Variants in HIVEP2 observed in about 807,000 individuals in gnomAD.
HIVEP2 encodes transcription factor HIVEP2.
HIVEP2 carries 14 observed loss-of-function variants against 180.7 expected under a neutral mutation model. The ratio of observed to expected loss-of-function variants is 0.08; its 90% CI spans 0.05 to 0.12. HIVEP2 has a LOEUF of 0.12. Ranked by LOEUF, HIVEP2 falls within the 10% of genes least tolerant of loss-of-function variation. The pLI, the probability that HIVEP2 is intolerant of heterozygous loss-of-function variation, is 1.00. For missense variants in HIVEP2, 2,579 were observed against 3,008.5 expected, an observed-to-expected ratio of 0.86 and a Z score of 3.34; for synonymous variants, 1,184 against 1,136.4, an observed-to-expected ratio of 1.04 and a Z score of -0.84.
At position 142,943,766 on chromosome 6, in the gene HIVEP2, ACT is replaced by A. The variant is rs1427519407; in HGVS notation, c.-641+1331_-641+1332del. Among the ~76,000 whole-genome samples, 6 of 152,130 alleles carry A rather than the reference ACT, an allele frequency of 3.9e-5. No homozygotes were observed. Among genetic ancestry groups the A allele is most frequent in the African/African-American group, 7.2e-5 (3 of 41,424 alleles). On this transcript the variant is annotated intron_variant, in intron 1 of 9. Coordinates refer to ENST00000367603, the MANE Select transcript of HIVEP2 (RefSeq NM_006734.4). This position sits in a 1 kb window ranked among gnomAD's most constrained non-coding sequence, Gnocchi z 4.5. ...TCTATATTCATTTTAGGCCTAAATA[ACT>A]CTGCAGAGAATAAGGGTTTTGCAAT...
intron 1 of HIVEP2, among the ~76,000 whole-genome samples, chr6:142,936,541 C>A (rs570549984): frequency 6.6e-6 from 1 of 152,054 alleles, no homozygotes; most frequent in East Asian, 1.9e-4. Context: ...AATGCTGAAC[C>A]ATAAAAATGA....
At chr6:142,814,552 T>C (rs577781344) in intron 2 of HIVEP2, among the ~76,000 whole-genome samples, 17 of 151,922 alleles carry the variant, frequency 1.1e-4, no homozygotes, top group Non-Finnish European at 2.1e-4. Flanking sequence ...TTGACAGAAT[T>C]TGGGAATCGG....
At chr6:142,885,658 T>G (rs1056714613) in intron 1 of HIVEP2, among the ~76,000 whole-genome samples, 1 of 152,158 alleles carries the variant, frequency 6.6e-6, no homozygotes, top group Non-Finnish European at 1.5e-5. Context: ...AGCCTACATT[T>G]AGACTTTCTT....
chr6:142,917,562 C>T (rs1427948459), intron 1 of HIVEP2, among the ~76,000 whole-genome samples: 1 of 152,174 alleles, frequency 6.6e-6, no homozygotes, highest in Non-Finnish European at 1.5e-5. Flanking sequence ...ATTAGTATTT[C>T]CTAACTTATT....
chr6:142,930,123 A>G (rs1046915890), intron 1 of HIVEP2, among the ~76,000 whole-genome samples: 8 of 152,148 alleles, frequency 5.3e-5, no homozygotes, highest in African/African-American at 1.9e-4. Context: ...TCCTATTTCC[A>G]TGACACACTA....
intron 7 of HIVEP2, 91 bp from the exon 8 acceptor site, chr6:142,761,656 T>C: frequency 1.3e-6 from 1 of 779,720 alleles, no homozygotes; most frequent in African/African-American, 1.7e-5. Flanking sequence ...TGAAATGAAC[T>C]AATTTTATTA....
At chr6:142,796,010 G>A (rs868105342) in intron 2 of HIVEP2, among the ~76,000 whole-genome samples, 5 of 152,136 alleles carry the variant, frequency 3.3e-5, no homozygotes, top group African/African-American at 1.2e-4. Flanking sequence ...CACTCTATGG[G>A]GGAGCCCACG....
chr6:142,938,175 A>G (rs1165473510), intron 1 of HIVEP2, among the ~76,000 whole-genome samples: 1 of 152,176 alleles, frequency 6.6e-6, no homozygotes, highest in Non-Finnish European at 1.5e-5. Flanking sequence ...TTTCACAGAA[A>G]GTTAATTGCA....
intron 1 of HIVEP2, among the ~76,000 whole-genome samples, chr6:142,933,377 T>C (rs1257233295): frequency 1.3e-5 from 2 of 152,200 alleles, no homozygotes; most frequent in African/African-American, 4.8e-5. Context: ...CTGTTTGGCA[T>C]TGTTTGATTT....
At chr6:142,921,394 G>A (rs559421015) in intron 1 of HIVEP2, among the ~76,000 whole-genome samples, 1 of 152,294 alleles carries the variant, frequency 6.6e-6, no homozygotes, top group African/African-American at 2.4e-5. Flanking sequence ...AATTAGCCAG[G>A]CGTGGTGGCA....
intron 2 of HIVEP2, among the ~76,000 whole-genome samples, chr6:142,834,092 T>C (rs1006866634): frequency 6.6e-6 from 1 of 152,182 alleles, no homozygotes; most frequent in African/African-American, 2.4e-5. Context: ...CAAATCTAAT[T>C]TGCAACCTTA....
rs1391009494 is a variant in HIVEP2, at chr6:142,769,735, C to T, written c.5004G>A (p.Ser1668=). ...NYVQQATFKS[S]VYASWCISSC... is the part of the protein sequence containing the mutation. ...AACTAATGCACCATGAAGCATAAAC[C>T]GAGGATTTGAAGGTGGCCTGTTGCA... Residue 1668 remains serine (S), a synonymous_variant, in exon 5 of 10, where the codon TCG becomes TCA. Transcript: ENST00000367603. The T allele has an allele frequency of 6.8e-6, 11 of 1,614,146 alleles. No homozygotes were observed. Among genetic ancestry groups the T allele is most frequent in the East Asian group, 2.2e-5 (1 of 44,880 alleles).
At chr6:142,829,790 G>A (rs965416238) in intron 2 of HIVEP2, among the ~76,000 whole-genome samples, 1 of 152,214 alleles carries the variant, frequency 6.6e-6, no homozygotes, top group African/African-American at 2.4e-5. Flanking sequence ...GTGATGATTG[G>A]TGTCCTCAAA....
chr6:142,799,107 G>A (rs1293777135), intron 2 of HIVEP2, among the ~76,000 whole-genome samples: 2 of 152,142 alleles, frequency 1.3e-5, no homozygotes, highest in Non-Finnish European at 2.9e-5. Flanking sequence ...GTTTATATCT[G>A]TAGATTTTGT....
chr6:142,940,582 C>T (rs1778151955), intron 1 of HIVEP2, among the ~76,000 whole-genome samples: 1 of 152,224 alleles, frequency 6.6e-6, no homozygotes, highest in Admixed American at 6.5e-5. Flanking sequence ...AACCTTCCTT[C>T]AAGGCCCTGC....
At chr6:142,816,631 C>T (rs1161774716) in intron 2 of HIVEP2, among the ~76,000 whole-genome samples, 1 of 152,204 alleles carries the variant, frequency 6.6e-6, no homozygotes, top group Non-Finnish European at 1.5e-5. Context: ...TTTCCCCACA[C>T]AAATGTGCTC....
At chr6:142,868,610 T>C (rs1295061986) in intron 1 of HIVEP2, among the ~76,000 whole-genome samples, 1 of 152,162 alleles carries the variant, frequency 6.6e-6, no homozygotes, top group Non-Finnish European at 1.5e-5. Flanking sequence ...GCATGAGGAA[T>C]ACCCAGAATG....
At chr6:142,820,990 A>G (rs1050800663) in intron 2 of HIVEP2, among the ~76,000 whole-genome samples, 7 of 152,208 alleles carry the variant, frequency 4.6e-5, no homozygotes, top group South Asian at 2.1e-4. Context: ...GAATTCAGAT[A>G]TAAATTTTCA....
chr6:142,880,924 TG>T (rs1776561737), intron 1 of HIVEP2, among the ~76,000 whole-genome samples: 1 of 152,162 alleles, frequency 6.6e-6, no homozygotes, highest in African/African-American at 2.4e-5. Flanking sequence ...CTTGAACCAC[TG>T]GGGTTCAGAC....
Sources: allele counts gnomAD v4.1 joint callset (sites outside exome capture counted in the v4.1 genomes callset), GRCh38; gene constraint gnomAD v4.1.1; non-coding constraint Gnocchi (gnomAD v3.1); transcripts MANE v1.5; gene names NCBI Gene and HGNC (gene_info 2026-07-23, HGNC 2026-07-21).